The following PYGO1 variants were observed in gnomAD, a reference collection of about 807,000 sequenced individuals.
PYGO1 encodes pygopus family PHD finger 1, also known as pygopus homolog 1.
A neutral mutation model predicts 29.5 loss-of-function variants in PYGO1; 6 were observed. The ratio of observed to expected loss-of-function variants is 0.20; its 90% CI spans 0.11 to 0.40. PYGO1 has a LOEUF of 0.40. Among genes scored for constraint, PYGO1 ranks in the 10% least tolerant of loss-of-function variants. The probability of loss-of-function intolerance (pLI) is 1.00; values close to 1 mark genes in which losing one functional copy is unlikely to be tolerated. For missense variants in PYGO1, 515 were observed against 514.9 expected (o/e 1.00, Z 0.00); for synonymous variants, 186 against 180.5 (o/e 1.03, Z -0.24).
At chr15:55,554,468 C>A (rs1307400775) in intron 1 of PYGO1, among the ~76,000 whole-genome samples, 11 of 122,914 alleles carry the variant, frequency 8.9e-5, no homozygotes, top group East Asian at 3.2e-4. Flanking sequence ...GACTCTGTCT[C>A]AAAAAAAAAA....
chr15:55,584,209 C>A (rs920355636), intron 1 of PYGO1, among the ~76,000 whole-genome samples: 1 of 151,278 alleles, frequency 6.6e-6, no homozygotes, highest in African/African-American at 2.4e-5. Flanking sequence ...CTCAACCTCC[C>A]TGGGCTCAGG....
In PYGO1 at chr15:55,565,717, C is replaced by CA. The variant is rs563568639; in HGVS notation, c.50-16723dup. Reference sequence around the variant, plus strand: ...TGACAGAGTGAGACTCCGTCTCCCCCAAAAAAAAACAAAAACAAAAACAAA... The same window carrying CA: ...TGACAGAGTGAGACTCCGTCTCCCCCAAAAAAAAAACAAAAACAAAAACAAA... On this transcript the variant is annotated intron_variant, in intron 1 of 2. Transcript: ENST00000563719. 2.8e-4 allele frequency among the ~76,000 whole-genome samples: 42 copies of CA among 149,758 alleles called. 1 individual carries two copies. The East Asian group carries it at 3.6e-3, about 13-fold the overall frequency.
upstream of PYGO1, chr15:55,588,779 C>T (rs1398159097): frequency 6.2e-7 from 1 of 1,611,720 alleles, no homozygotes; most frequent in Non-Finnish European, 8.5e-7. Flanking sequence ...GGCCTCGCAG[C>T]TAGGGATCGG....
rs56216226 is a variant in PYGO1, at chr15:55,554,468, CAAAAAAAAAAAAAA to C, written c.50-5487_50-5474del. Among the ~76,000 whole-genome samples the C allele has an allele frequency of 3.6e-3, 444 of 122,788 alleles. 3 individuals are homozygous for C. Among genetic ancestry groups the C allele is most frequent in the African/African-American group, 1.0e-2 (303 of 30,340 alleles). 80.6% of individuals were successfully genotyped at this position (122,788 alleles called of 152,430 possible). Reference sequence around the variant, plus strand: ...TGGGTGACAGAGCAAGACTCTGTCTCAAAAAAAAAAAAAAAAAAAAAAAAAGAAAGAAAGAACTG... The same window carrying C: ...TGGGTGACAGAGCAAGACTCTGTCTCAAAAAAAAAAAGAAAGAAAGAACTG... On this transcript the variant is annotated intron_variant, in intron 1 of 2. Transcript: ENST00000563719.
chr15:55,544,530 G>C lies in PYGO1; in HGVS notation c.*1493C>G, dbSNP rs762725446. On this transcript the variant is annotated 3_prime_UTR_variant, in exon 3 of 3. Transcript: ENST00000563719. ...TCGAGTCCTTGTCTGTGAAAGTGTAGGTTCTTGTGTGTTACCCAAAGGACA... is the reference window on the plus strand; with the variant it reads ...TCGAGTCCTTGTCTGTGAAAGTGTACGTTCTTGTGTGTTACCCAAAGGACA... 2.0e-5 allele frequency: 3 copies of C among 152,144 alleles called. No homozygotes were observed. The South Asian group carries it at 6.2e-4, about 31-fold the overall frequency. 9.4% of individuals were successfully genotyped at this position (152,144 alleles called of 1,614,324 possible). A position where few individuals can be genotyped will look rare whatever the true frequency, so the allele number is the denominator to read the frequency against.
chr15:55,553,914 A>C lies in PYGO1; in HGVS notation c.50-4919T>G, dbSNP rs550452024. Among the ~76,000 whole-genome samples the C allele has an allele frequency of 1.2e-4, 18 of 152,294 alleles. No homozygotes were observed. The South Asian group carries it at 3.1e-3, about 26-fold the overall frequency. ...CAACTAGGGTCAGGAGCAGACCCCCAGCAAACTGCAGCAGCCCTACAGAAG... is the reference window on the plus strand; with the variant it reads ...CAACTAGGGTCAGGAGCAGACCCCCCGCAAACTGCAGCAGCCCTACAGAAG... On this transcript the variant is annotated intron_variant, in intron 1 of 2. Transcript: ENST00000563719.
chr15:55,562,540 G>A (rs143192859), intron 1 of PYGO1, among the ~76,000 whole-genome samples: 5 of 152,022 alleles, frequency 3.3e-5, no homozygotes, highest in Admixed American at 6.6e-5. Context: ...GCATTTTGGC[G>A]GGTGCCTGTA....
intron 2 of PYGO1, among the ~76,000 whole-genome samples, chr15:55,547,814 T>A: frequency 6.6e-6 from 1 of 152,324 alleles, no homozygotes; most frequent in Admixed American, 6.5e-5. Context: ...CCTGTATATA[T>A]AATTGCTTGT....
Position 55,544,782 on chromosome 15 carries a change from C to G in PYGO1, c.*1241G>C, listed in dbSNP as rs796302123. 1 of 151,738 alleles carries G rather than the reference C, an allele frequency of 6.6e-6. No homozygotes were observed. Among genetic ancestry groups the G allele is most frequent in the South Asian group, 2.1e-4 (1 of 4,826 alleles). 9.4% of individuals were successfully genotyped at this position (151,738 alleles called of 1,614,324 possible). On this transcript the variant is annotated 3_prime_UTR_variant, in exon 3 of 3. Transcript: ENST00000563719. ...TTGCCATTAGCTGTCAAACAGCACA[C>G]ATTTTTTTTTTTTGGCCACAGGTTA...
chr15:55,539,539 T>A lies in PYGO1; in HGVS notation c.*6484A>T, dbSNP rs977530822. ...TTAATAATACTTCTTTAGACGTCTA[T>A]GATCTAAATAGAAACAGACTCAGTT... On this transcript the variant is annotated 3_prime_UTR_variant, in exon 3 of 3. Transcript: ENST00000563719. 6.6e-6 allele frequency: 1 copy of A among 152,080 alleles called. No individual in the cohort carries two copies. Among genetic ancestry groups the A allele is most frequent in the Non-Finnish European group, 1.5e-5 (1 of 67,936 alleles). The allele number at this position is 152,080 out of a possible 1,614,324, so 9.4% of individuals were successfully genotyped here.
rs563800981 is a variant in PYGO1 at position 55,547,581 on chromosome 15, T to C, written c.136-434A>G. Among the ~76,000 whole-genome samples the C allele has an allele frequency of 8.9e-4, 135 of 152,312 alleles. 1 individual carries two copies. The highest frequency in any genetic ancestry group is 3.1e-3 in the African/African-American group (128 of 41,576). On this transcript the variant is annotated intron_variant, in intron 2 of 2. Coordinates refer to ENST00000563719, the MANE Select transcript of PYGO1 (RefSeq NM_001367806.1). ...AATAACAACAATCAGAATCTAAGTT[T>C]TTCCCCTAGCTTAACTTCAGGGAGA...
At chr15:55,561,586 G>A (rs1210890495) in intron 1 of PYGO1, among the ~76,000 whole-genome samples, 2 of 152,164 alleles carry the variant, frequency 1.3e-5, no homozygotes, top group Admixed American at 6.5e-5. Flanking sequence ...ACCCCCATAA[G>A]CCAATCGCTT....
At chr15:55,554,213 C>G (rs2058892821) in intron 1 of PYGO1, among the ~76,000 whole-genome samples, 1 of 152,036 alleles carries the variant, frequency 6.6e-6, no homozygotes, top group African/African-American at 2.4e-5. Context: ...GCCTGTAATC[C>G]CAGCACTTTG....
rs1045156474 is a variant in PYGO1 at position 55,543,333 on chromosome 15, T to C, written c.*2690A>G. On this transcript the variant is annotated 3_prime_UTR_variant, in exon 3 of 3. Coordinates refer to ENST00000563719, the MANE Select transcript of PYGO1 (RefSeq NM_001367806.1). ...CTATATAACTTTTGACTTAGCATTA[T>C]GTAGAGACAAATGTAGAACTAGCAG... 2 of 152,210 alleles carry C rather than the reference T, an allele frequency of 1.3e-5. No homozygotes were observed. The highest frequency in any genetic ancestry group is 1.5e-5 in the Non-Finnish European group (1 of 68,042). The allele number at this position is 152,210 out of a possible 1,614,324, so 9.4% of individuals were successfully genotyped here. A position where few individuals can be genotyped will look rare whatever the true frequency, so the allele number is the denominator to read the frequency against.
chr15:55,546,421 G>A lies in PYGO1; in HGVS notation c.862C>T (p.Arg288Cys), dbSNP rs371893591. 29 of 1,613,942 alleles carry A rather than the reference G, an allele frequency of 1.8e-5. No homozygotes were observed. Among genetic ancestry groups the A allele is most frequent in the African/African-American group, 8.0e-5 (6 of 74,888 alleles). ...RNNAVNQENS[R>C]SSSTEATNNN... Reference sequence around the variant, plus strand: ...TTTGTGGCTTCAGTGCTACTTGAACGGCTGTTCTCCTGATTTACTGCATTG... The same window carrying A: ...TTTGTGGCTTCAGTGCTACTTGAACAGCTGTTCTCCTGATTTACTGCATTG... Residue 288 changes from arginine to cysteine, a missense_variant, in exon 3 of 3, where the codon CGT becomes TGT. Transcript: ENST00000563719.
chr15:55,559,046 C>T (rs1201696631), intron 1 of PYGO1, among the ~76,000 whole-genome samples: 3 of 152,046 alleles, frequency 2.0e-5, no homozygotes, highest in Non-Finnish European at 4.4e-5. Context: ...AGTGAACAGG[C>T]AACCTACAGA....
chr15:55,588,756 C>G, upstream of PYGO1: 1 of 1,594,368 alleles, frequency 6.3e-7, no homozygotes. Context: ...GAGGCCACAG[C>G]AGCAGGCGTC....
rs569380413 is a variant in PYGO1, at chr15:55,588,270, C to T, written c.-387G>A. On this transcript the variant is annotated 5_prime_UTR_variant, in exon 1 of 3. Transcript: ENST00000563719. ...GACAGGGGAAGCAGGAGGCTCGCGG[C>T]CCGGCCCTGGCGGCACACTCACAGC... Among the ~76,000 whole-genome samples, 1 of 148,970 alleles carries T rather than the reference C, an allele frequency of 6.7e-6. No individual in the cohort carries two copies. The highest frequency in any genetic ancestry group is 2.0e-4 in the East Asian group (1 of 5,110).
intron 1 of PYGO1, among the ~76,000 whole-genome samples, chr15:55,570,215 T>C (rs2058974700): frequency 2.0e-5 from 3 of 152,178 alleles, no homozygotes; most frequent in Admixed American, 2.0e-4. Context: ...TCCTTCACAA[T>C]TCCATTGGAT....
Sources: allele counts gnomAD v4.1 joint callset (sites outside exome capture counted in the v4.1 genomes callset), GRCh38; gene constraint gnomAD v4.1.1; transcripts MANE v1.5; gene names NCBI Gene and HGNC (gene_info 2026-07-23, HGNC 2026-07-21).